TLE4: variants seen among roughly 807,000 people sequenced by gnomAD.
The protein encoded by TLE4 is transducin-like enhancer protein 4.
A neutral mutation model predicts 92.8 loss-of-function variants in TLE4; 8 were observed. The observed-to-expected ratio is 0.09, with a 90% CI of 0.05 to 0.16. TLE4 has a LOEUF of 0.16. TLE4 is among the 10% of genes least tolerant of loss of function. The probability of loss-of-function intolerance (pLI) is 1.00; values close to 1 mark genes in which losing one functional copy is unlikely to be tolerated. For missense variants in TLE4, 675 were observed against 997.6 expected (o/e 0.68, Z 4.36); for synonymous variants, 371 against 374.1 (o/e 0.99, Z 0.10).
chr9:79,638,866 G>A (rs1306467277), intron 6 of TLE4, among the ~76,000 whole-genome samples: 1 of 152,124 alleles, frequency 6.6e-6, no homozygotes, highest in African/African-American at 2.4e-5. Flanking sequence ...TCTGAGCAAA[G>A]ATAGATGTCG....
At chr9:79,671,146 G>A (rs2062255806) in intron 8 of TLE4, 2 of 414,508 alleles carry the variant, frequency 4.8e-6, no homozygotes, top group South Asian at 1.7e-5. Flanking sequence ...AATTCCATTG[G>A]GGATTTTGTG....
chr9:79,650,346 G>A (rs2058759343), intron 6 of TLE4, among the ~76,000 whole-genome samples: 1 of 152,198 alleles, frequency 6.6e-6, no homozygotes. Context: ...TCTAAGAAGG[G>A]AGGTAAGAAA....
At chr9:79,573,516 C>T (rs1423478311) in intron 1 of TLE4, 173 bp from the exon 2 acceptor site, 1 of 823,174 alleles carries the variant, frequency 1.2e-6, no homozygotes, top group Non-Finnish European at 1.7e-6. Context: ...TCGAAACCAG[C>T]CTCTGCCTGG....
At chr9:79,577,923 T>A (rs1458390473) in intron 4 of TLE4, among the ~76,000 whole-genome samples, 4 of 152,206 alleles carry the variant, frequency 2.6e-5, no homozygotes, top group Non-Finnish European at 5.9e-5. Context: ...TTCTGTCATC[T>A]TCTTGTCCAG....
At chr9:79,644,290 C>T (rs1425478599) in intron 6 of TLE4, among the ~76,000 whole-genome samples, 3 of 152,082 alleles carry the variant, frequency 2.0e-5, no homozygotes, top group Non-Finnish European at 4.4e-5. Context: ...TTTAAGCTTC[C>T]TGAGGCCTCC....
intron 4 of TLE4, among the ~76,000 whole-genome samples, chr9:79,587,522 A>G (rs2041429876): frequency 6.6e-6 from 1 of 152,186 alleles, no homozygotes; most frequent in African/African-American, 2.4e-5. Context: ...GCTCGGTACT[A>G]TAGGCATGCC....
chr9:79,576,070 G>T, intron 3 of TLE4, 63 bp from the exon 4 acceptor site: 2 of 1,201,402 alleles, frequency 1.7e-6, no homozygotes, highest in South Asian at 4.6e-5. Context: ...GGGGCATTTT[G>T]AACAAACTAG....
chr9:79,649,301 C>CAA (rs2058579197), intron 6 of TLE4, among the ~76,000 whole-genome samples: 1 of 144,690 alleles, frequency 6.9e-6, no homozygotes, highest in South Asian at 2.3e-4. Flanking sequence ...CACACACACA[C>CAA]AACAAGGCAG....
rs926140866 is a variant in TLE4 at position 79,720,035 on chromosome 9, T to C, written c.1591-11T>C. 1.9e-6 allele frequency: 3 copies of C among 1,590,698 alleles called. No individual in the cohort carries two copies. Among genetic ancestry groups the C allele is most frequent in the African/African-American group, 2.7e-5 (2 of 74,518 alleles). ...TCATGAGTAATCTCTTGATGGTTTT[T>C]GTCTCTACAGAACAGGGATAACTAC... On this transcript the variant is annotated splice_polypyrimidine_tract_variant and intron_variant, in intron 15 of 19. Coordinates refer to ENST00000376552, the MANE Select transcript of TLE4 (RefSeq NM_007005.6).
intron 6 of TLE4, among the ~76,000 whole-genome samples, chr9:79,652,195 T>G (rs1040673415): frequency 6.7e-6 from 1 of 149,152 alleles, no homozygotes; most frequent in Non-Finnish European, 1.5e-5. Context: ...TTTCTTTTTC[T>G]TTTTTTTTTG....
chr9:79,702,579 G>T (rs1017133209), intron 8 of TLE4, among the ~76,000 whole-genome samples: 2 of 152,170 alleles, frequency 1.3e-5, no homozygotes, highest in African/African-American at 4.8e-5. Context: ...AAATCGTTTG[G>T]CTCGTAATGT....
chr9:79,626,344 G>A (rs538376418), intron 5 of TLE4, among the ~76,000 whole-genome samples: 6 of 152,296 alleles, frequency 3.9e-5, no homozygotes, highest in African/African-American at 1.4e-4. Context: ...AAGAAAGTTA[G>A]CTAAATTTCT....
chr9:79,724,849 T>TAAAAAAAAAAAAAAAAAA (rs947971071), intron 19 of TLE4, among the ~76,000 whole-genome samples, 188 bp from the exon 20 acceptor site: 1 of 25,990 alleles, frequency 3.8e-5, no homozygotes, highest in African/African-American at 1.6e-4. Flanking sequence ...CCTGTCTTAT[T>TAAAAAAAAAAAAAAAAAA]AAAAAAAAAA....
intron 6 of TLE4, among the ~76,000 whole-genome samples, chr9:79,649,301 C>A (rs942924562): frequency 6.9e-6 from 1 of 144,690 alleles, no homozygotes; most frequent in Non-Finnish European, 1.5e-5. Flanking sequence ...CACACACACA[C>A]AACAAGGCAG....
chr9:79,600,947 C>T (rs957692675), intron 4 of TLE4, among the ~76,000 whole-genome samples: 2 of 152,150 alleles, frequency 1.3e-5, no homozygotes, highest in Admixed American at 1.3e-4. Context: ...AGTTGGTTCA[C>T]TCGAGATAAC....
At chr9:79,590,559 T>TCCA (rs1453563025) in intron 4 of TLE4, among the ~76,000 whole-genome samples, 2 of 152,138 alleles carry the variant, frequency 1.3e-5, no homozygotes, top group Non-Finnish European at 2.9e-5. Context: ...TTCCAAAGGC[T>TCCA]CCATATGGCT....
intron 8 of TLE4, among the ~76,000 whole-genome samples, chr9:79,682,031 G>A (rs1268171984): frequency 1.3e-5 from 2 of 151,986 alleles, no homozygotes; most frequent in Admixed American, 6.6e-5. Context: ...AAGATGTGGT[G>A]CCATAAAGAG....
intron 8 of TLE4, among the ~76,000 whole-genome samples, chr9:79,700,219 C>A (rs906829028): frequency 1.3e-5 from 2 of 152,180 alleles, no homozygotes; most frequent in Non-Finnish European, 2.9e-5. Context: ...TAAGCAACAT[C>A]CCTTACGGCT....
intron 8 of TLE4, chr9:79,668,835 G>A (rs2061812279): frequency 4.1e-6 from 4 of 985,228 alleles, no homozygotes; most frequent in African/African-American, 1.7e-5. Context: ...CTCAGCTGTT[G>A]TGAAGCCAGA....
Sources: gnomAD v4.1 joint callset for allele counts (sites outside exome capture counted in the v4.1 genomes callset) on GRCh38, gnomAD v4.1.1 for gene constraint, MANE v1.5 for transcripts, NCBI Gene and HGNC (gene_info 2026-07-23, HGNC 2026-07-21) for gene names.